ISLR2: variants seen among roughly 807,000 people sequenced by gnomAD.
The protein encoded by ISLR2 is immunoglobulin superfamily containing leucine-rich repeat protein 2.
In ISLR2, 16 loss-of-function variants were observed where a neutral mutation model predicts 25.5. The observed-to-expected ratio is 0.63, with a 90% CI of 0.43 to 0.95. The LOEUF (loss-of-function observed/expected upper bound fraction) is 0.95, where lower values mean the gene tolerates loss of function less well. ISLR2 is among the 40% of genes least tolerant of loss of function. The pLI, the probability that ISLR2 is intolerant of heterozygous loss-of-function variation, is 0.00. For missense variants in ISLR2, 883 were observed against 1,030.7 expected, an observed-to-expected ratio of 0.86 and a Z score of 1.96; for synonymous variants, 508 against 486.6, an observed-to-expected ratio of 1.04 and a Z score of -0.58.
chr15:74,129,379 A>G (rs1229088632), upstream of ISLR2: 2 of 226,200 alleles, frequency 8.8e-6, no homozygotes, highest in Non-Finnish European at 1.8e-5. This position sits in a 1 kb window ranked among gnomAD's most constrained non-coding sequence, Gnocchi z 4.5. Context: ...CAACACTCAA[A>G]TCGGGGTATT....
chr15:74,113,944 A>T (rs912130155), intron 2 of ISLR2, among the ~76,000 whole-genome samples: 6 of 152,198 alleles, frequency 3.9e-5, no homozygotes, highest in Non-Finnish European at 7.3e-5. Flanking sequence ...TTGGCCAAGG[A>T]CCTGCAGCAA....
chr15:74,123,244 G>A (rs896773711), upstream of ISLR2, among the ~76,000 whole-genome samples: 6 of 151,946 alleles, frequency 3.9e-5, no homozygotes, highest in Admixed American at 2.0e-4. Context: ...GGCGGGAGGC[G>A]GGTTGCAGTG....
At chr15:74,115,761 T>C (rs1369921663) in intron 2 of ISLR2, among the ~76,000 whole-genome samples, 1 of 151,214 alleles carries the variant, frequency 6.6e-6, no homozygotes, top group African/African-American at 2.4e-5. Flanking sequence ...TCAATGGAAA[T>C]AGGCCCAGAA....
At chr15:74,112,156 A>G in intron 2 of ISLR2, among the ~76,000 whole-genome samples, 1 of 152,038 alleles carries the variant, frequency 6.6e-6, no homozygotes. Context: ...GTCTGGAAAA[A>G]CCTTTGACAC....
Position 74,114,612 on chromosome 15 carries a change from C to CA in ISLR2, n.228+10712dup, listed in dbSNP as rs879774202. Among the ~76,000 whole-genome samples the CA allele has an allele frequency of 5.2e-3, 665 of 127,700 alleles. 3 individuals carry two copies. Among genetic ancestry groups the CA allele is most frequent in the African/African-American group, 0.014 (494 of 35,276 alleles). 83.8% of individuals were successfully genotyped at this position (127,700 alleles called of 152,430 possible). A position where few individuals can be genotyped will look rare whatever the true frequency, so the allele number is the denominator to read the frequency against. On this transcript the variant is annotated intron_variant and non_coding_transcript_variant, in intron 2 of 3. Coordinates refer to the ISLR2 transcript ENST00000561975. ...GGGGTGACAGAGCAAGATCCTGTCT[C>CA]AAAAAAAAAAAAAAGATACAGATGT...
rs529194276 is a variant in ISLR2, at chr15:74,135,512, A to G, written c.*520A>G. 1.8e-5 allele frequency: 3 copies of G among 162,352 alleles called. No homozygotes were observed. Among genetic ancestry groups the G allele is most frequent in the African/African-American group, 7.5e-5 (3 of 39,830 alleles). The allele number at this position is 162,352 out of a possible 1,614,324, so 10.1% of individuals were successfully genotyped here. On this transcript the variant is annotated 3_prime_UTR_variant, in exon 3 of 3. Coordinates refer to ENST00000453268, the MANE Select transcript of ISLR2 (RefSeq NM_020851.3). ...ATTTTTTAATTTTATTTATTTATTT[A>G]TTTATTTTTTGACGGAGTCTTGGTC...
At position 74,133,887 on chromosome 15, in the gene ISLR2, C is replaced by A; in HGVS notation, c.1133C>A (p.Pro378Gln). ...GTGGCGGTGGCAGCAACCGGGCCCC[C>A]AAAACACGCGCCTGGCGCCGGGGGA... ...IRVAVAATGP[P>Q]KHAPGAGGEP... Residue 378 changes from proline to glutamine, a missense_variant, in exon 3 of 3, where the codon CCA (proline) becomes CAA (glutamine). Coordinates refer to ENST00000453268, the MANE Select transcript of ISLR2 (RefSeq NM_020851.3). 1 of 1,608,786 alleles carries A rather than the reference C, an allele frequency of 6.2e-7. No individual in the cohort carries two copies. Among genetic ancestry groups the A allele is most frequent in the South Asian group, 1.1e-5 (1 of 90,320 alleles).
chr15:74,134,929 G>C lies in ISLR2; in HGVS notation c.2175G>C (p.Leu725=). 6.2e-7 allele frequency: 1 copy of C among 1,614,016 alleles called. No homozygotes were observed. The highest frequency in any genetic ancestry group is 2.2e-5 in the East Asian group (1 of 44,872). Residue 725 remains leucine (L), a synonymous_variant, in exon 3 of 3, where the codon CTG becomes CTC. Coordinates refer to ENST00000453268, the MANE Select transcript of ISLR2 (RefSeq NM_020851.3). ...CTGAGTACAGCGATCGGCTGCCCCTGGGCGCCGAGGCGGTCAACATCGCCC... is the reference window on the plus strand; with the variant it reads ...CTGAGTACAGCGATCGGCTGCCCCTCGGCGCCGAGGCGGTCAACATCGCCC... The part of the protein sequence containing the change: ...AGSEYSDRLP[L]GAEAVNIAQE...
chr15:74,128,154 C>T (rs2072324648), upstream of ISLR2: 1 of 299,362 alleles, frequency 3.3e-6, no homozygotes, highest in Non-Finnish European at 6.4e-6. Context: ...CGCCGGACGG[C>T]GCCGGACGAG....
intron 2 of ISLR2, among the ~76,000 whole-genome samples, chr15:74,115,904 A>C (rs1055400523): frequency 2.0e-5 from 3 of 151,540 alleles, no homozygotes; most frequent in African/African-American, 4.9e-5. Context: ...AAAAAAAAAA[A>C]AAAACAACAC....
chr15:74,110,162 C>T (rs763686084), intron 2 of ISLR2, among the ~76,000 whole-genome samples: 4 of 152,170 alleles, frequency 2.6e-5, no homozygotes, highest in African/African-American at 7.2e-5. Context: ...ATTAAAACCA[C>T]GTAAGATATC....
upstream of ISLR2, chr15:74,126,787 G>T (rs185652049): frequency 6.6e-6 from 1 of 152,382 alleles, no homozygotes; most frequent in South Asian, 2.1e-4. Flanking sequence ...ACAAGGAAAG[G>T]CCGGAGGAGG....
At chr15:74,128,308 G>T (rs1490949596), upstream of ISLR2, 5 of 409,460 alleles carry the variant, frequency 1.2e-5, no homozygotes, top group Non-Finnish European at 2.3e-5. Flanking sequence ...GAAGGCAGGG[G>T]TAAGGGGCGT....
chr15:74,138,898 C>G (rs538887587), downstream of ISLR2, among the ~76,000 whole-genome samples: 1 of 152,226 alleles, frequency 6.6e-6, no homozygotes, highest in Admixed American at 6.5e-5. Context: ...AATCCAGCCA[C>G]GTGATTGCTT....
At chr15:74,110,947 G>A (rs1032350451) in intron 2 of ISLR2, among the ~76,000 whole-genome samples, 41 of 151,172 alleles carry the variant, frequency 2.7e-4, no homozygotes, top group African/African-American at 9.2e-4. Flanking sequence ...CCTGGGCAAC[G>A]AGAGGAAAAC....
chr15:74,137,474 G>A (rs1385100356), downstream of ISLR2, among the ~76,000 whole-genome samples: 4 of 152,212 alleles, frequency 2.6e-5, no homozygotes, highest in Admixed American at 1.3e-4. Flanking sequence ...CCGTCAGGGT[G>A]TGCCAAGGGG....
Position 74,134,890 on chromosome 15 carries a change from G to A in ISLR2, c.2136G>A (p.Glu712=), listed in dbSNP as rs140851809. The A allele has an allele frequency of 1.1e-4, 185 of 1,614,060 alleles. No homozygotes were observed. The highest frequency in any genetic ancestry group is 4.9e-4 in the South Asian group (45 of 91,092). Residue 712 remains glutamate (E), a synonymous_variant, in exon 3 of 3, where the codon GAG becomes GAA. Transcript: ENST00000453268. Reference sequence around the variant, plus strand: ...CCCAGTCCAAGGCCAACCAAGAGGAGTTCGAGGCGGGCTCTGAGTACAGCG... The same window carrying A: ...CCCAGTCCAAGGCCAACCAAGAGGAATTCGAGGCGGGCTCTGAGTACAGCG... The part of the protein sequence containing the change: ...VESQSKANQE[E]FEAGSEYSDR...
At position 74,132,728 on chromosome 15, in the gene ISLR2, A is replaced by C. The variant is rs1595947739; in HGVS notation, c.-8-19A>C. 1 of 1,600,502 alleles carries C rather than the reference A, an allele frequency of 6.2e-7. No homozygotes were observed. The highest frequency in any genetic ancestry group is 8.5e-7 in the Non-Finnish European group (1 of 1,170,432). ...CAGTGAGTCACCTTCTTTCTTCTTC[A>C]CCTGGCTTCCATCTGCAGGAGCCGC... On this transcript the variant is annotated intron_variant, in intron 2 of 2. Transcript: ENST00000453268. This position sits in a 1 kb window ranked among gnomAD's most constrained non-coding sequence, Gnocchi z 4.3.
chr15:74,103,419 A>G (rs2072095867), intron 1 of ISLR2, among the ~76,000 whole-genome samples: 1 of 148,466 alleles, frequency 6.7e-6, no homozygotes, highest in Non-Finnish European at 1.5e-5. Flanking sequence ...CCTAGCCAAC[A>G]TGTCGAACCC....
Sources: gnomAD v4.1 joint callset for allele counts (sites outside exome capture counted in the v4.1 genomes callset) on GRCh38, gnomAD v4.1.1 for gene constraint, Gnocchi (gnomAD v3.1) non-coding constraint, MANE v1.5 for transcripts, NCBI Gene and HGNC (gene_info 2026-07-23, HGNC 2026-07-21) for gene names.